PCDH9: variants seen among roughly 807,000 people sequenced by gnomAD.
The protein encoded by PCDH9 is protocadherin-9.
PCDH9 carries 24 observed loss-of-function variants against 70.6 expected under a neutral mutation model. That is an observed-to-expected ratio of 0.34 (90% CI 0.25 to 0.48). The LOEUF is 0.48. Ranked by LOEUF, PCDH9 falls within the 20% of genes least tolerant of loss-of-function variation. The pLI, the probability that PCDH9 is intolerant of heterozygous loss-of-function variation, is 0.99. For missense variants in PCDH9, 1,281 were observed against 1,503.6 expected (o/e 0.85, Z 2.45); for synonymous variants, 562 against 558.5 (o/e 1.01, Z -0.09).
chr13:66,912,270 G>A (rs41386946), intron 2 of PCDH9, among the ~76,000 whole-genome samples: 20,437 of 151,960 alleles, frequency 0.13, 1,527 homozygotes, highest in African/African-American at 0.17. Flanking sequence ...CAGATAATTG[G>A]TGTTTCAGAA....
intron 3 of PCDH9, among the ~76,000 whole-genome samples, chr13:66,709,559 T>TA (rs1161454420): frequency 1.3e-5 from 2 of 152,288 alleles, no homozygotes; most frequent in Admixed American, 1.3e-4. Flanking sequence ...TATGATTGAT[T>TA]AGTGAGTTAC....
chr13:66,808,745 T>A (rs1027883983), intron 3 of PCDH9, among the ~76,000 whole-genome samples: 3 of 152,166 alleles, frequency 2.0e-5, no homozygotes, highest in Non-Finnish European at 4.4e-5. Context: ...TTAATACTAT[T>A]AGTCATTGTT....
At chr13:66,322,845 A>G (rs1593796920) in intron 4 of PCDH9, among the ~76,000 whole-genome samples, 1 of 152,038 alleles carries the variant, frequency 6.6e-6, no homozygotes, top group Non-Finnish European at 1.5e-5. Context: ...TATAAAAAAC[A>G]TCTTTATATA....
chr13:66,739,361 C>T (rs1017681061), intron 3 of PCDH9, among the ~76,000 whole-genome samples: 3 of 147,168 alleles, frequency 2.0e-5, no homozygotes, highest in African/African-American at 7.5e-5. Flanking sequence ...TGGAAAGGAA[C>T]AACCGGTACC....
intron 4 of PCDH9, among the ~76,000 whole-genome samples, chr13:66,388,693 T>C (rs919725690): frequency 1.9e-4 from 29 of 152,164 alleles, no homozygotes; most frequent in African/African-American, 7.0e-4. Flanking sequence ...GGTAAAAATG[T>C]TCATTTCATA....
chr13:66,622,529 A>C (rs918123778), intron 4 of PCDH9, among the ~76,000 whole-genome samples: 1 of 152,134 alleles, frequency 6.6e-6, no homozygotes, highest in Non-Finnish European at 1.5e-5. Flanking sequence ...CCCTGTGTCT[A>C]GCTCAGGGTT....
At chr13:66,348,930 C>T (rs984888821) in intron 4 of PCDH9, among the ~76,000 whole-genome samples, 6 of 152,162 alleles carry the variant, frequency 3.9e-5, no homozygotes, top group Middle Eastern at 3.4e-3. Flanking sequence ...TCCCTTGTGT[C>T]GTGGGAATTT....
At chr13:66,921,908 T>A (rs1157585875) in intron 2 of PCDH9, among the ~76,000 whole-genome samples, 1 of 151,308 alleles carries the variant, frequency 6.6e-6, no homozygotes, top group Non-Finnish European at 1.5e-5. Context: ...TGATTTCACA[T>A]AGCTAATCAA....
chr13:66,492,263 T>A (rs1959046269), intron 4 of PCDH9, among the ~76,000 whole-genome samples: 1 of 151,730 alleles, frequency 6.6e-6, no homozygotes, highest in Non-Finnish European at 1.5e-5. Context: ...TTATATAACA[T>A]GAGATAATAA....
intron 2 of PCDH9, chr13:67,205,696 T>C (rs2089322723): frequency 6.6e-6 from 1 of 152,206 alleles, no homozygotes; most frequent in Non-Finnish European, 1.5e-5. Flanking sequence ...AGAATCAATT[T>C]CCTTTGCCAA....
chr13:66,657,571 G>A (rs1221459831), intron 3 of PCDH9, among the ~76,000 whole-genome samples: 1 of 152,126 alleles, frequency 6.6e-6, no homozygotes, highest in Non-Finnish European at 1.5e-5. Context: ...CTCATTCTCT[G>A]TGCAGTATTT....
At chr13:66,947,045 T>G (rs1384016796) in intron 2 of PCDH9, among the ~76,000 whole-genome samples, 3 of 152,180 alleles carry the variant, frequency 2.0e-5, no homozygotes, top group African/African-American at 7.2e-5. Context: ...CTGGATTGAC[T>G]TTAGTGCATA....
intron 2 of PCDH9, among the ~76,000 whole-genome samples, chr13:67,165,420 T>C (rs1214069327): frequency 2.0e-5 from 3 of 152,164 alleles, no homozygotes; most frequent in African/African-American, 7.2e-5. Flanking sequence ...ACAATAATAA[T>C]AGTGAATATT....
intron 2 of PCDH9, among the ~76,000 whole-genome samples, chr13:66,977,202 C>A (rs2083637382): frequency 6.6e-6 from 1 of 151,940 alleles, no homozygotes; most frequent in African/African-American, 2.4e-5. Flanking sequence ...AGAATATATA[C>A]CATCTATATG....
At chr13:67,067,181 T>G (rs1327458197) in intron 2 of PCDH9, among the ~76,000 whole-genome samples, 1 of 152,124 alleles carries the variant, frequency 6.6e-6, no homozygotes, top group African/African-American at 2.4e-5. Context: ...AATTTAATTG[T>G]GGGAGAAGGT....
intron 3 of PCDH9, among the ~76,000 whole-genome samples, chr13:66,735,723 G>A (rs933582919): frequency 6.6e-6 from 1 of 152,104 alleles, no homozygotes; most frequent in African/African-American, 2.4e-5. Flanking sequence ...CAGCACTTTG[G>A]GAGGGTGAGG....
intron 2 of PCDH9, among the ~76,000 whole-genome samples, chr13:66,982,800 G>C (rs370694958): frequency 6.6e-6 from 1 of 152,124 alleles, no homozygotes; most frequent in Non-Finnish European, 1.5e-5. Context: ...GGCAACATTT[G>C]TTTCTTAATT....
chr13:66,378,560 A>T (rs546735577), intron 4 of PCDH9, among the ~76,000 whole-genome samples: 16 of 152,346 alleles, frequency 1.1e-4, no homozygotes, highest in African/African-American at 3.8e-4. Flanking sequence ...AGCTGCACTG[A>T]AGACCTATGA....
chr13:67,095,598 C>G (rs1293343212), intron 2 of PCDH9, among the ~76,000 whole-genome samples: 1 of 152,088 alleles, frequency 6.6e-6, no homozygotes, highest in Non-Finnish European at 1.5e-5. Context: ...TCTGCAGTTA[C>G]ATCAGTGTGA....
Sources: allele counts gnomAD v4.1 joint callset (sites outside exome capture counted in the v4.1 genomes callset), GRCh38; gene constraint gnomAD v4.1.1; transcripts MANE v1.5; gene names NCBI Gene and HGNC (gene_info 2026-07-23, HGNC 2026-07-21).